Variants in YWHAB observed in about 807,000 individuals in gnomAD.
YWHAB encodes the protein tyrosine 3-monooxygenase/tryptophan 5-monooxygenase activation protein beta.
A neutral mutation model predicts 28.5 loss-of-function variants in YWHAB; 2 were observed. The observed-to-expected ratio is 0.07, with a 90% CI of 0.03 to 0.22. YWHAB has a LOEUF of 0.22. YWHAB is among the 10% of genes least tolerant of loss of function. The probability of loss-of-function intolerance (pLI) is 1.00; values close to 1 mark genes in which losing one functional copy is unlikely to be tolerated. For synonymous variants in YWHAB, 103 were observed against 104.7 expected (o/e 0.98, Z 0.10); for missense variants, 148 against 297.1 (o/e 0.50, Z 3.69).
At chr20:44,905,271 T>C in intron 4 of YWHAB, 140 bp downstream of exon 4, 13 of 736,462 alleles carry the variant, frequency 1.8e-5, no homozygotes, top group Non-Finnish European at 2.5e-5. Flanking sequence ...TTTTATGAGA[T>C]AAATACAGAT....
intron 1 of YWHAB, among the ~76,000 whole-genome samples, chr20:44,895,172 G>C (rs2066588736): frequency 6.6e-6 from 1 of 152,192 alleles, no homozygotes. Flanking sequence ...AGCCCTAGAA[G>C]AATGGGTGGA....
intron 1 of YWHAB, among the ~76,000 whole-genome samples, chr20:44,899,693 T>C (rs2066615704): frequency 6.6e-6 from 1 of 152,250 alleles, no homozygotes; most frequent in South Asian, 2.1e-4. Context: ...TTATTAAAAT[T>C]ACCGCACTCT....
At chr20:44,891,752 A>G (rs559091816) in intron 1 of YWHAB, among the ~76,000 whole-genome samples, 64 of 152,234 alleles carry the variant, frequency 4.2e-4, no homozygotes, top group Non-Finnish European at 1.0e-4. Context: ...GAAAGAGGGA[A>G]GGGATTTTGA....
rs1049617926 is a variant in YWHAB, at chr20:44,907,126, C to G, written c.*688C>G. The G allele has an allele frequency of 1.3e-5, 2 of 152,228 alleles. No homozygotes were observed. The highest frequency in any genetic ancestry group is 4.8e-5 in the African/African-American group (2 of 41,442). 9.4% of individuals were successfully genotyped at this position (152,228 alleles called of 1,614,324 possible). A position where few individuals can be genotyped will look rare whatever the true frequency, so the allele number is the denominator to read the frequency against. On this transcript the variant is annotated 3_prime_UTR_variant, in exon 6 of 6. Coordinates refer to ENST00000353703, the MANE Select transcript of YWHAB (RefSeq NM_139323.4). ...TCAAGTGCTCATATAACACACCACA[C>G]TGAACCCCCTTTCCTACAGCAATAT...
chr20:44,888,072 A>G (rs1416870752), intron 1 of YWHAB, among the ~76,000 whole-genome samples: 1 of 152,230 alleles, frequency 6.6e-6, no homozygotes, highest in African/African-American at 2.4e-5. Flanking sequence ...CACAAATGGT[A>G]ATGCAGCTTT....
intron 1 of YWHAB, among the ~76,000 whole-genome samples, chr20:44,891,352 T>A (rs2066560835): frequency 6.6e-6 from 1 of 151,820 alleles, no homozygotes. Context: ...GTGATCACCC[T>A]CCTCGGCCTC....
intron 4 of YWHAB, 160 bp downstream of exon 4, chr20:44,905,291 T>C: frequency 1.7e-6 from 1 of 601,952 alleles, no homozygotes; most frequent in Middle Eastern, 4.0e-4. Flanking sequence ...TCTGTTACTT[T>C]TTTAATTCAT....
At chr20:44,893,320 C>G (rs1277910402) in intron 1 of YWHAB, among the ~76,000 whole-genome samples, 3 of 151,958 alleles carry the variant, frequency 2.0e-5, no homozygotes, top group Non-Finnish European at 4.4e-5. Context: ...TTGTGAGTAC[C>G]TTTAGAATTA....
chr20:44,903,978 A>G lies in YWHAB; in HGVS notation c.301-15A>G. On this transcript the variant is annotated splice_polypyrimidine_tract_variant and intron_variant, in intron 2 of 5. Coordinates refer to ENST00000353703, the MANE Select transcript of YWHAB (RefSeq NM_139323.4). ...CGTGAATAATTCTAAATTCTTAACA[A>G]TGTTCATTTTTTAGGAGCTGTTGGA... 2 of 1,593,890 alleles carry G rather than the reference A, an allele frequency of 1.3e-6. No homozygotes were observed. Among genetic ancestry groups the G allele is most frequent in the Non-Finnish European group, 1.7e-6 (2 of 1,174,948 alleles).
At chr20:44,891,474 G>A (rs576264436) in intron 1 of YWHAB, among the ~76,000 whole-genome samples, 76 of 152,174 alleles carry the variant, frequency 5.0e-4, no homozygotes, top group Non-Finnish European at 9.8e-4. Flanking sequence ...CTTGGTGTGC[G>A]GTACTGGTAA....
intron 1 of YWHAB, among the ~76,000 whole-genome samples, chr20:44,894,271 T>G (rs74927871): frequency 0.01 from 1,553 of 152,250 alleles, 23 homozygotes; most frequent in African/African-American, 0.035. Flanking sequence ...CTCTAATGAG[T>G]TTGCCTGCGC....
chr20:44,905,963 G>A, intron 4 of YWHAB, 38 bp from the exon 5 acceptor site: 1 of 1,566,034 alleles, frequency 6.4e-7, no homozygotes, highest in Non-Finnish European at 8.8e-7. Context: ...TAGCTCCAGA[G>A]AACTTGTGAA....
rs2066641822 is a variant in YWHAB at position 44,903,975 on chromosome 20, A to G, written c.301-18A>G. 5 of 1,593,734 alleles carry G rather than the reference A, an allele frequency of 3.1e-6. No individual in the cohort carries two copies. The highest frequency in any genetic ancestry group is 1.4e-5 in the African/African-American group (1 of 73,388). On this transcript the variant is annotated intron_variant, in intron 2 of 5. Transcript: ENST00000353703. ...TCTCGTGAATAATTCTAAATTCTTA[A>G]CAATGTTCATTTTTTAGGAGCTGTT...
At chr20:44,892,093 A>G (rs1389238502) in intron 1 of YWHAB, among the ~76,000 whole-genome samples, 1 of 152,232 alleles carries the variant, frequency 6.6e-6, no homozygotes. Context: ...GAGAGACTCC[A>G]GAACTAAAAC....
Position 44,906,625 on chromosome 20 carries a change from G to A in YWHAB, c.*187G>A, listed in dbSNP as rs1305366888. The A allele has an allele frequency of 2.3e-6, 1 of 431,870 alleles. No homozygotes were observed. The highest frequency in any genetic ancestry group is 4.1e-6 in the Non-Finnish European group (1 of 241,272). The allele number at this position is 431,870 out of a possible 1,614,324, so 26.8% of individuals were successfully genotyped here. On this transcript the variant is annotated 3_prime_UTR_variant, in exon 6 of 6. Transcript: ENST00000353703. The stretch of plus-strand genomic sequence containing the variant: ...GTATTTGTATCTAAAACTCAGATTG[G>A]TCACATAAATGCCACGGCATTCCGA...
At chr20:44,892,580 T>C (rs1016735858) in intron 1 of YWHAB, among the ~76,000 whole-genome samples, 4 of 152,208 alleles carry the variant, frequency 2.6e-5, no homozygotes, top group Non-Finnish European at 5.9e-5. Flanking sequence ...TAGTTTTTCA[T>C]TTTGTTAGTT....
chr20:44,906,251 C>T, intron 5 of YWHAB, 131 bp from the exon 6 acceptor site: 1 of 1,159,082 alleles, frequency 8.6e-7, no homozygotes, highest in Non-Finnish European at 1.3e-6. Context: ...TTGACCTTTG[C>T]AATCATCCCT....
rs758306820 is a variant in YWHAB, at chr20:44,901,826, A to G, written c.293A>G (p.Asp98Gly). ...GCAGAACTGCAGGACATCTGCAATGATGTTCTGGTAAGAGGCCAGTGCTTC... is the reference window on the plus strand; with the variant it reads ...GCAGAACTGCAGGACATCTGCAATGGTGTTCTGGTAAGAGGCCAGTGCTTC... ...IEAELQDICNDVLELLDKYLI... is the reference protein window; with the variant it reads ...IEAELQDICNGVLELLDKYLI... Residue 98 changes from aspartate to glycine, a missense_variant, in exon 2 of 6, where the codon GAT becomes GGT. Around this residue, in one of 2 missense-constraint regions of YWHAB, gnomAD observed 110 missense variants for 177.9 expected, o/e 0.62. Coordinates refer to ENST00000353703, the MANE Select transcript of YWHAB (RefSeq NM_139323.4). 2 of 1,595,528 alleles carry G rather than the reference A, an allele frequency of 1.3e-6. No individual in the cohort carries two copies. Among genetic ancestry groups the G allele is most frequent in the Non-Finnish European group, 8.6e-7 (1 of 1,165,894 alleles).
At position 44,899,569 on chromosome 20, in the gene YWHAB, G is replaced by A. The variant is rs996457960; in HGVS notation, c.-3-1962G>A. ...TGTTTTTATAGCTCAGGATATTAGTGTATTTTTATACTGTGTGGCACAGAT... is the reference window on the plus strand; with the variant it reads ...TGTTTTTATAGCTCAGGATATTAGTATATTTTTATACTGTGTGGCACAGAT... On this transcript the variant is annotated intron_variant, in intron 1 of 5. Coordinates refer to ENST00000353703, the MANE Select transcript of YWHAB (RefSeq NM_139323.4). Among the ~76,000 whole-genome samples the A allele has an allele frequency of 4.6e-5, 7 of 152,294 alleles. 1 individual carries two copies. Among genetic ancestry groups the A allele is most frequent in the Admixed American group, 4.6e-4 (7 of 15,302 alleles).
Sources: gnomAD v4.1 joint callset for allele counts (sites outside exome capture counted in the v4.1 genomes callset) on GRCh38, gnomAD v4.1.1 for gene constraint, gnomAD v4.1.1 regional missense constraint, MANE v1.5 for transcripts, NCBI Gene and HGNC (gene_info 2026-07-23, HGNC 2026-07-21) for gene names.